Variants in CLSTN2 observed in about 807,000 individuals in gnomAD.
The protein encoded by CLSTN2 is calsyntenin-2.
Under a neutral mutation model 101.2 loss-of-function variants are expected in CLSTN2, and 48 were observed. The observed-to-expected ratio is 0.47, with a 90% CI of 0.38 to 0.60. The LOEUF is 0.60. Ranked by LOEUF, CLSTN2 falls within the 20% of genes least tolerant of loss-of-function variation. The pLI, the probability that CLSTN2 is intolerant of heterozygous loss-of-function variation, is 0.00. For synonymous variants in CLSTN2, 481 were observed against 463.6 expected (o/e 1.04, Z -0.48); for missense variants, 1,160 against 1,238.2 (o/e 0.94, Z 0.95).
intron 1 of CLSTN2, among the ~76,000 whole-genome samples, chr3:140,076,633 T>TTTTTTTTTG (rs2008496768): frequency 7.2e-6 from 1 of 139,222 alleles, no homozygotes; most frequent in African/African-American, 2.8e-5. Context: ...GTGTTTTTTT[T>TTTTTTTTTG]TTTTTTTTTT....
At chr3:139,945,455 A>T (rs1353638363) in intron 1 of CLSTN2, among the ~76,000 whole-genome samples, 3 of 152,228 alleles carry the variant, frequency 2.0e-5, no homozygotes, top group African/African-American at 7.2e-5. Flanking sequence ...CCCCAAAACA[A>T]AACTCTACGT....
At chr3:140,169,184 G>T (rs2010176798) in intron 1 of CLSTN2, among the ~76,000 whole-genome samples, 1 of 151,904 alleles carries the variant, frequency 6.6e-6, no homozygotes, top group Admixed American at 6.6e-5. Flanking sequence ...CAGTGTCAGG[G>T]TTTTCAGTGT....
intron 11 of CLSTN2, among the ~76,000 whole-genome samples, chr3:140,558,133 G>T (rs1935837043): frequency 6.6e-6 from 1 of 152,200 alleles, no homozygotes; most frequent in Admixed American, 6.5e-5. Context: ...GTGTGGCAGT[G>T]TATCAGGAGA....
chr3:140,497,080 G>C (rs4369999), intron 8 of CLSTN2, among the ~76,000 whole-genome samples: 10,027 of 143,536 alleles, frequency 0.07, 798 homozygotes, highest in African/African-American at 0.2. Context: ...TAGCTTGGGT[G>C]ACACAGCGAG....
At chr3:140,107,611 C>T (rs1215223206) in intron 1 of CLSTN2, among the ~76,000 whole-genome samples, 1 of 152,120 alleles carries the variant, frequency 6.6e-6, no homozygotes, top group African/African-American at 2.4e-5. Flanking sequence ...TAAACCCTGC[C>T]AGCTGAAGAA....
At chr3:139,944,335 AT>A (rs1193909168) in intron 1 of CLSTN2, among the ~76,000 whole-genome samples, 1 of 152,230 alleles carries the variant, frequency 6.6e-6, no homozygotes, top group Admixed American at 6.5e-5. Context: ...GAGATTTAAA[AT>A]AACACCAATG....
At chr3:140,240,754 T>C (rs1420551028) in intron 2 of CLSTN2, among the ~76,000 whole-genome samples, 1 of 152,104 alleles carries the variant, frequency 6.6e-6, no homozygotes, top group Non-Finnish European at 1.5e-5. Context: ...CAGAACAAGC[T>C]AACTTTGAGA....
chr3:140,563,915 C>A, intron 15 of CLSTN2, 46 bp from the exon 16 acceptor site: 2 of 1,586,928 alleles, frequency 1.3e-6, no homozygotes, highest in Non-Finnish European at 8.6e-7. Flanking sequence ...CAAGAATGAG[C>A]TAGGCCTTTG....
chr3:140,102,617 A>G (rs976469266), intron 1 of CLSTN2, among the ~76,000 whole-genome samples: 1 of 152,204 alleles, frequency 6.6e-6, no homozygotes, highest in African/African-American at 2.4e-5. Context: ...ATTGAAAGCC[A>G]TTGTCTTCTA....
intron 1 of CLSTN2, among the ~76,000 whole-genome samples, chr3:140,117,891 C>T (rs796073227): frequency 2.6e-5 from 4 of 152,192 alleles, no homozygotes; most frequent in South Asian, 2.1e-4. Context: ...CTCTAGGTAA[C>T]CCTTTCATCA....
chr3:140,111,981 C>T (rs567709610), intron 1 of CLSTN2, among the ~76,000 whole-genome samples: 4 of 152,320 alleles, frequency 2.6e-5, no homozygotes, highest in Admixed American at 2.6e-4. Context: ...AATCCACAGT[C>T]CAACCCTGGG....
At chr3:140,519,934 G>C (rs1249889925) in intron 8 of CLSTN2, among the ~76,000 whole-genome samples, 2 of 152,332 alleles carry the variant, frequency 1.3e-5, no homozygotes, top group East Asian at 3.9e-4. Context: ...GTTTTTTGTA[G>C]TGGCTGGTAA....
chr3:140,102,158 C>T (rs992443476), intron 1 of CLSTN2, among the ~76,000 whole-genome samples: 1 of 152,174 alleles, frequency 6.6e-6, no homozygotes. Flanking sequence ...CTGCTGTCTA[C>T]AGTTGGGCCA....
chr3:140,030,916 C>A (rs998065633), intron 1 of CLSTN2, among the ~76,000 whole-genome samples: 1 of 152,172 alleles, frequency 6.6e-6, no homozygotes, highest in Non-Finnish European at 1.5e-5. Flanking sequence ...ATAAATTAGA[C>A]TGAGGGAAAG....
chr3:140,321,673 C>A (rs2087284160), intron 2 of CLSTN2, among the ~76,000 whole-genome samples: 1 of 152,144 alleles, frequency 6.6e-6, no homozygotes, highest in South Asian at 2.1e-4. Flanking sequence ...ACCCTGGAGC[C>A]CTCAGATAAC....
chr3:140,131,108 C>A (rs1027802769), intron 1 of CLSTN2, among the ~76,000 whole-genome samples: 1 of 151,966 alleles, frequency 6.6e-6, no homozygotes, highest in Non-Finnish European at 1.5e-5. Context: ...TGGATCTTAA[C>A]CACTTTGTCC....
intron 1 of CLSTN2, among the ~76,000 whole-genome samples, chr3:139,960,349 G>T (rs778476296): frequency 2.2e-4 from 34 of 152,140 alleles, no homozygotes; most frequent in Non-Finnish European, 4.3e-4. Context: ...CCCTTTCAGA[G>T]TTTTGAGATG....
intron 6 of CLSTN2, among the ~76,000 whole-genome samples, chr3:140,456,633 A>G (rs537306253): frequency 6.6e-6 from 1 of 152,162 alleles, no homozygotes; most frequent in Admixed American, 6.5e-5. Flanking sequence ...CTAAAAATAC[A>G]AAAATTAGCC....
chr3:140,114,826 C>T lies in CLSTN2; in HGVS notation c.110-61125C>T, dbSNP rs190405018. Reference sequence around the variant, plus strand: ...TGTTTTCATCATCCCAGCTGCACAGCGACCTTCACCTCTGCCCCCTCCCCC... The same window carrying T: ...TGTTTTCATCATCCCAGCTGCACAGTGACCTTCACCTCTGCCCCCTCCCCC... On this transcript the variant is annotated intron_variant, in intron 1 of 16. Coordinates refer to ENST00000458420, the MANE Select transcript of CLSTN2 (RefSeq NM_022131.3). Among the ~76,000 whole-genome samples, 382 of 152,204 alleles carry T rather than the reference C, an allele frequency of 2.5e-3. 1 individual carries two copies. Among genetic ancestry groups the T allele is most frequent in the African/African-American group, 8.6e-3 (358 of 41,536 alleles).
Sources: gnomAD v4.1 joint callset for allele counts (sites outside exome capture counted in the v4.1 genomes callset) on GRCh38, gnomAD v4.1.1 for gene constraint, MANE v1.5 for transcripts, NCBI Gene and HGNC (gene_info 2026-07-23, HGNC 2026-07-21) for gene names.